DGKB: variants seen among roughly 807,000 people sequenced by gnomAD.
DGKB encodes diacylglycerol kinase beta.
Under a neutral mutation model 114.3 loss-of-function variants are expected in DGKB, and 67 were observed. The observed-to-expected ratio is 0.59, with a 90% confidence interval of 0.48 to 0.72. The LOEUF (loss-of-function observed/expected upper bound fraction) is 0.72. Among genes scored for constraint, DGKB ranks in the 30% least tolerant of loss-of-function variants. DGKB has a pLI of 0.00. For missense variants in DGKB, 907 were observed against 975.2 expected (o/e 0.93, Z 0.93); for synonymous variants, 398 against 323.1 (o/e 1.23, Z -2.49).
intron 1 of DGKB, among the ~76,000 whole-genome samples, chr7:14,861,964 T>G (rs565654982): frequency 6.6e-6 from 1 of 151,900 alleles, no homozygotes; most frequent in Non-Finnish European, 1.5e-5. Context: ...TTCCAAAGAG[T>G]GTTTCTCATT....
intron 23 of DGKB, among the ~76,000 whole-genome samples, chr7:14,245,574 C>G (rs536231046): frequency 1.2e-4 from 19 of 152,158 alleles, no homozygotes; most frequent in African/African-American, 4.6e-4. Flanking sequence ...GTGCTTCAGG[C>G]TATTTTAATT....
intron 25 of DGKB, among the ~76,000 whole-genome samples, chr7:14,160,064 C>G (rs564880679): frequency 6.6e-6 from 1 of 152,008 alleles, no homozygotes; most frequent in African/African-American, 2.4e-5. Context: ...CTATTTTGTT[C>G]ACCTCACAGA....
intron 20 of DGKB, among the ~76,000 whole-genome samples, chr7:14,511,806 G>A (rs982651845): frequency 2.0e-5 from 3 of 152,020 alleles, no homozygotes; most frequent in African/African-American, 7.2e-5. Context: ...GTTATTAATA[G>A]CCTAATTTCA....
At chr7:14,622,433 G>C (rs1807829533) in intron 14 of DGKB, among the ~76,000 whole-genome samples, 1 of 152,006 alleles carries the variant, frequency 6.6e-6, no homozygotes, top group African/African-American at 2.4e-5. Flanking sequence ...TTTTTATGAA[G>C]ATTTCTAAAT....
At chr7:14,258,541 G>C (rs984063931) in intron 23 of DGKB, among the ~76,000 whole-genome samples, 48 of 152,138 alleles carry the variant, frequency 3.2e-4, no homozygotes, top group African/African-American at 1.0e-3. Context: ...CATAATCCAA[G>C]AACATTTAAT....
chr7:14,370,897 A>T lies in DGKB; in HGVS notation c.1836-25506T>A, dbSNP rs933725226. ...GGTACCCAATGTTTAGCTCTTACTTATAAGTGAGAACATGTGGTATTTGGT... is the reference window on the plus strand; with the variant it reads ...GGTACCCAATGTTTAGCTCTTACTTTTAAGTGAGAACATGTGGTATTTGGT... On this transcript the variant is annotated intron_variant, in intron 21 of 25. Transcript: ENST00000402815. Among the ~76,000 whole-genome samples, 7 of 152,306 alleles carry T rather than the reference A, an allele frequency of 4.6e-5. No homozygotes were observed. The East Asian group carries it at 1.4e-3, about 29-fold the overall frequency.
At chr7:14,637,914 A>G (rs1811050170) in intron 13 of DGKB, among the ~76,000 whole-genome samples, 2 of 152,014 alleles carry the variant, frequency 1.3e-5, no homozygotes, top group Non-Finnish European at 2.9e-5. Flanking sequence ...AAAAGCCACA[A>G]TTTCTAAACA....
chr7:14,698,319 G>T (rs1353564807), intron 7 of DGKB, 150 bp from the exon 8 acceptor site: 1 of 490,264 alleles, frequency 2.0e-6, no homozygotes, highest in Non-Finnish European at 3.6e-6. Flanking sequence ...CCTTTTTAAA[G>T]GTCTAATTAA....
intron 1 of DGKB, among the ~76,000 whole-genome samples, chr7:14,892,605 A>G (rs1026258786): frequency 4.6e-5 from 7 of 151,174 alleles, no homozygotes; most frequent in Non-Finnish European, 8.9e-5. Context: ...TCAAATATCC[A>G]TCTCCACCTG....
At chr7:14,753,087 G>C (rs1198652309) in intron 4 of DGKB, among the ~76,000 whole-genome samples, 1 of 152,166 alleles carries the variant, frequency 6.6e-6, no homozygotes, top group Non-Finnish European at 1.5e-5. Context: ...AAGTCCACCA[G>C]TATCATTCTG....
intron 23 of DGKB, among the ~76,000 whole-genome samples, chr7:14,290,104 A>G (rs4463321): frequency 0.88 from 133,279 of 152,126 alleles, 58,713 homozygotes; most frequent in African/African-American, 0.97. Context: ...CTTCTTGTCT[A>G]TGTTCACAGA....
At chr7:14,276,436 T>C (rs1376252931) in intron 23 of DGKB, among the ~76,000 whole-genome samples, 1 of 152,150 alleles carries the variant, frequency 6.6e-6, no homozygotes, top group Admixed American at 6.5e-5. Flanking sequence ...AATACTGTAA[T>C]GCCATTGCCA....
intron 6 of DGKB, among the ~76,000 whole-genome samples, chr7:14,707,226 A>G (rs1458821233): frequency 6.3e-5 from 9 of 142,462 alleles, no homozygotes; most frequent in African/African-American, 2.4e-4. Context: ...GAAGAAATGG[A>G]TAAATTCCTC....
At chr7:14,854,346 A>T (rs1286006742) in intron 1 of DGKB, among the ~76,000 whole-genome samples, 1 of 152,166 alleles carries the variant, frequency 6.6e-6, no homozygotes, top group Non-Finnish European at 1.5e-5. Context: ...AAGACACTTA[A>T]TACCTGCCAC....
At chr7:14,603,451 T>A (rs1525089) in intron 17 of DGKB, among the ~76,000 whole-genome samples, 4 of 152,072 alleles carry the variant, frequency 2.6e-5, no homozygotes, top group South Asian at 2.1e-4. Flanking sequence ...GGTCATAAGC[T>A]CTGATTTTCC....
chr7:14,520,637 T>C (rs1432969394), intron 20 of DGKB, among the ~76,000 whole-genome samples: 1 of 152,066 alleles, frequency 6.6e-6, no homozygotes, highest in African/African-American at 2.4e-5. Context: ...TTCCCAGATT[T>C]TTTTCTGTTG....
intron 4 of DGKB, chr7:14,750,011 T>C (rs757432969): frequency 8.8e-6 from 4 of 453,466 alleles, no homozygotes; most frequent in East Asian, 6.6e-5. Context: ...GTCCTCATTA[T>C]GTAACACTAT....
intron 21 of DGKB, among the ~76,000 whole-genome samples, chr7:14,460,261 A>G (rs1462130271): frequency 1.3e-5 from 2 of 152,156 alleles, no homozygotes; most frequent in Non-Finnish European, 2.9e-5. Flanking sequence ...TTAACCTTAA[A>G]TGTAAATGGG....
chr7:14,617,994 G>A (rs1311875941), intron 15 of DGKB, among the ~76,000 whole-genome samples: 1 of 151,482 alleles, frequency 6.6e-6, no homozygotes, highest in Admixed American at 6.6e-5. Flanking sequence ...TCAGTTTAAA[G>A]GTTGCTATAA....
Sources: gnomAD v4.1 joint callset for allele counts (sites outside exome capture counted in the v4.1 genomes callset) on GRCh38, gnomAD v4.1.1 for gene constraint, MANE v1.5 for transcripts, NCBI Gene and HGNC (gene_info 2026-07-23, HGNC 2026-07-21) for gene names.